The following ASB13 variants were observed in gnomAD, a reference collection of about 807,000 sequenced individuals.
ASB13 encodes ankyrin repeat and SOCS box protein 13.
A neutral mutation model predicts 28.8 loss-of-function variants in ASB13; 33 were observed. That is an observed-to-expected ratio of 1.15 (90% CI 0.87 to 1.53). The LOEUF is 1.53. Among genes scored for constraint, ASB13 ranks in the 40% most tolerant of loss-of-function variants. The pLI is 0.00. For missense variants in ASB13, 414 were observed against 390.1 expected, an observed-to-expected ratio of 1.06 and a Z score of -0.52; for synonymous variants, 182 against 172.9, an observed-to-expected ratio of 1.05 and a Z score of -0.41.
In ASB13 at chr10:5,651,348, T is replaced by C. The variant is rs1834981497; in HGVS notation, c.247A>G (p.Ile83Val). The C allele has an allele frequency of 6.2e-7, 1 of 1,609,282 alleles. No homozygotes were observed. The highest frequency in any genetic ancestry group is 8.5e-7 in the Non-Finnish European group (1 of 1,177,106). Reference protein sequence around the residue: ...AAGAQVDARNIDGSTPLCDAC... With the variant: ...AAGAQVDARNVDGSTPLCDAC... Reference sequence around the variant, plus strand: ...TCGCAGAGCGGGGTGCTGCCGTCGATGTTGCGAGCATCCACCTCACGGGAG... The same window carrying C: ...TCGCAGAGCGGGGTGCTGCCGTCGACGTTGCGAGCATCCACCTCACGGGAG... Residue 83 changes from isoleucine to valine, a missense_variant, in exon 3 of 6, where the codon ATC becomes GTC. Coordinates refer to ENST00000357700, the MANE Select transcript of ASB13 (RefSeq NM_024701.4). This position sits in a 1 kb window ranked among gnomAD's most constrained non-coding sequence, Gnocchi z 5.1.
In ASB13 at chr10:5,649,588, C is replaced by T. The variant is rs1270536611; in HGVS notation, c.383-484G>A. Among the ~76,000 whole-genome samples, 1 of 151,112 alleles carries T rather than the reference C, an allele frequency of 6.6e-6. No homozygotes were observed. Among genetic ancestry groups the T allele is most frequent in the Non-Finnish European group, 1.5e-5 (1 of 67,822 alleles). On this transcript the variant is annotated intron_variant, in intron 3 of 5. Transcript: ENST00000357700. This position sits in a 1 kb window ranked among gnomAD's most constrained non-coding sequence, Gnocchi z 6.4. ...TTGCCCAGGATGGAATGCAGTGGTG[C>T]GATCTCAGCTCACTACAACCGCCAT... is the stretch of plus-strand genomic sequence containing the variant.
rs546383237 is a variant in ASB13 at position 5,642,736 on chromosome 10, T to C, written c.518-775A>G. 6.6e-6 allele frequency among the ~76,000 whole-genome samples: 1 copy of C among 151,384 alleles called. No individual in the cohort carries two copies. Among genetic ancestry groups the C allele is most frequent in the South Asian group, 2.1e-4 (1 of 4,782 alleles). On this transcript the variant is annotated intron_variant, in intron 4 of 5. Transcript: ENST00000357700. This position sits in a 1 kb window ranked among gnomAD's most constrained non-coding sequence, Gnocchi z 4.1. Reference sequence around the variant, plus strand: ...ATCTCGGCTCACTGCAACCTCCGCCTCCAGGGTTCAAGCGATTCTCCTGCC... The same window carrying C: ...ATCTCGGCTCACTGCAACCTCCGCCCCCAGGGTTCAAGCGATTCTCCTGCC...
At position 5,659,232 on chromosome 10, in the gene ASB13, C is replaced by G. The variant is rs991122723; in HGVS notation, c.44-6182G>C. Among the ~76,000 whole-genome samples, 1 of 152,164 alleles carries G rather than the reference C, an allele frequency of 6.6e-6. No homozygotes were observed. The highest frequency in any genetic ancestry group is 1.5e-5 in the Non-Finnish European group (1 of 68,020). On this transcript the variant is annotated intron_variant, in intron 1 of 5. Coordinates refer to ENST00000357700, the MANE Select transcript of ASB13 (RefSeq NM_024701.4). This position sits in a 1 kb window ranked among gnomAD's most constrained non-coding sequence, Gnocchi z 5.8. ...TTGGCGGAGCACCGCCTTGGAAACC[C>G]GAGACTCCATGCCGTGCTGGCGAGT...
rs1054766493 is a variant in ASB13, at chr10:5,639,794, T to C, written c.*909A>G. ...GGGTGAAGAATTCATTTGACAACCA[T>C]AGAAACAGATGAAAAACAATTCCCA... On this transcript the variant is annotated 3_prime_UTR_variant, in exon 6 of 6. Coordinates refer to ENST00000357700, the MANE Select transcript of ASB13 (RefSeq NM_024701.4). 2 of 3,288 alleles carry C rather than the reference T, an allele frequency of 6.1e-4. No homozygotes were observed. The highest frequency in any genetic ancestry group is 1.3e-3 in the African/African-American group (2 of 1,524). 0.2% of individuals were successfully genotyped at this position (3,288 alleles called of 1,614,324 possible).
At chr10:5,646,360 G>A (rs1588509017) in intron 4 of ASB13, among the ~76,000 whole-genome samples, 1 of 152,186 alleles carries the variant, frequency 6.6e-6, no homozygotes, top group East Asian at 1.9e-4. Flanking sequence ...ATCAGAATTT[G>A]GCAAAGTTTG....
Position 5,651,521 on chromosome 10 carries a change from T to A in ASB13, c.232-158A>T. ...CAACGACACTGAAAGAGATAGCACG[T>A]GGCTGCGGAGCACCGACGGCCTCCT... On this transcript the variant is annotated intron_variant, in intron 2 of 5. Coordinates refer to ENST00000357700, the MANE Select transcript of ASB13 (RefSeq NM_024701.4). This position sits in a 1 kb window ranked among gnomAD's most constrained non-coding sequence, Gnocchi z 5.1. 1.3e-6 allele frequency: 1 copy of A among 787,102 alleles called. No homozygotes were observed. The highest frequency in any genetic ancestry group is 2.0e-6 in the Non-Finnish European group (1 of 512,204). 48.8% of individuals were successfully genotyped at this position (787,102 alleles called of 1,614,324 possible).
At chr10:5,662,335 A>G (rs1835180877) in intron 1 of ASB13, among the ~76,000 whole-genome samples, 1 of 151,822 alleles carries the variant, frequency 6.6e-6, no homozygotes, top group Non-Finnish European at 1.5e-5. Flanking sequence ...CCTGGCCAAC[A>G]TGGCAAAACC....
chr10:5,658,601 G>C lies in ASB13; in HGVS notation c.44-5551C>G, dbSNP rs1357430217. Among the ~76,000 whole-genome samples, 2 of 152,102 alleles carry C rather than the reference G, an allele frequency of 1.3e-5. No individual in the cohort carries two copies. Among genetic ancestry groups the C allele is most frequent in the African/African-American group, 4.8e-5 (2 of 41,406 alleles). ...AGTGTTTCATGGGGACAGAATTTCA[G>C]TTTTACAGGATGAAAAAGTTCTAGA... On this transcript the variant is annotated intron_variant, in intron 1 of 5. Coordinates refer to ENST00000357700, the MANE Select transcript of ASB13 (RefSeq NM_024701.4). This position sits in a 1 kb window ranked among gnomAD's most constrained non-coding sequence, Gnocchi z 4.2.
At position 5,649,242 on chromosome 10, in the gene ASB13, G is replaced by T; in HGVS notation, c.383-138C>A. On this transcript the variant is annotated intron_variant, in intron 3 of 5. Transcript: ENST00000357700. The surrounding 1 kb of genome is among the most constrained non-coding windows in gnomAD (Gnocchi z 6.4). ...CCAGGCAGGCCTGCGTCCCAACCTA[G>T]GGAGGAGTTCATGACCCGCATGGCC... The T allele has an allele frequency of 8.2e-7, 1 of 1,223,256 alleles. No homozygotes were observed. Among genetic ancestry groups the T allele is most frequent in the Non-Finnish European group, 1.1e-6 (1 of 869,818 alleles). The allele number at this position is 1,223,256 out of a possible 1,614,324, so 75.8% of individuals were successfully genotyped here.
intron 1 of ASB13, among the ~76,000 whole-genome samples, chr10:5,657,782 G>A (rs553565259): frequency 1.3e-5 from 2 of 152,194 alleles, no homozygotes; most frequent in South Asian, 2.1e-4. Flanking sequence ...ATTATTCAGC[G>A]TTGGGAATGA....
In ASB13 at chr10:5,651,411, A is replaced by C. The variant is rs1834982883; in HGVS notation, c.232-48T>G. On this transcript the variant is annotated intron_variant, in intron 2 of 5. Transcript: ENST00000357700. The surrounding 1 kb of genome is among the most constrained non-coding windows in gnomAD (Gnocchi z 5.1). The stretch of plus-strand genomic sequence containing the variant: ...GTCAAAGGGCAGAGAAATGCCACGC[A>C]ACCCACTTTCCCATCCTGCTGCAGG... 2 of 1,513,338 alleles carry C rather than the reference A, an allele frequency of 1.3e-6. No individual in the cohort carries two copies. The highest frequency in any genetic ancestry group is 2.8e-5 in the African/African-American group (2 of 72,604). 93.7% of individuals were successfully genotyped at this position (1,513,338 alleles called of 1,614,324 possible).
At chr10:5,653,674 ATT>A (rs1835026091) in intron 1 of ASB13, among the ~76,000 whole-genome samples, 2 of 119,756 alleles carry the variant, frequency 1.7e-5, no homozygotes, top group Non-Finnish European at 3.3e-5. Flanking sequence ...TTATTTATTT[ATT>A]TATTTATTTA....
Position 5,640,775 on chromosome 10 carries a change from G to A in ASB13, c.765C>T (p.Gly255=), listed in dbSNP as rs146830492. The change falls in exon 6 of 6, where the codon GGC becomes GGT. Residue 255 remains glycine (G), a synonymous_variant. Coordinates refer to ENST00000357700, the MANE Select transcript of ASB13 (RefSeq NM_024701.4). The part of the protein sequence containing the change: ...LCRVNLRKAT[G]VRGLEKIAKL... The stretch of plus-strand genomic sequence containing the variant: ...TGGCAATCTTCTCCAGCCCTCGGAC[G>A]CCAGTGGCCTTCCTCAAGTTCACCC... 307 of 1,614,148 alleles carry A rather than the reference G, an allele frequency of 1.9e-4. No homozygotes were observed. The highest frequency in any genetic ancestry group is 6.6e-4 in the Middle Eastern group (4 of 6,062).
rs4003318 is a variant in ASB13, at chr10:5,652,107, G to A, written c.232-744C>T. On this transcript the variant is annotated intron_variant, in intron 2 of 5. Coordinates refer to ENST00000357700, the MANE Select transcript of ASB13 (RefSeq NM_024701.4). This position sits in a 1 kb window ranked among gnomAD's most constrained non-coding sequence, Gnocchi z 5.0. ...AGGAATGCCTGAGACAGCTTACCAC[G>A]CCTCCCCTAGTGAGAAAGTCAGAGG... Among the ~76,000 whole-genome samples, 1,867 of 140,366 alleles carry A rather than the reference G, an allele frequency of 0.013. 20 individuals are homozygous for A. The highest frequency in any genetic ancestry group is 0.095 in the Middle Eastern group (24 of 252). 92.1% of individuals were successfully genotyped at this position (140,366 alleles called of 152,430 possible). A position where few individuals can be genotyped will look rare whatever the true frequency, so the allele number is the denominator to read the frequency against.
Position 5,642,579 on chromosome 10 carries a change from A to AC in ASB13, c.518-619_518-618insG, listed in dbSNP as rs1234786458. 8.2e-7 allele frequency: 1 copy of AC among 1,221,456 alleles called. No homozygotes were observed. The highest frequency in any genetic ancestry group is 5.8e-5 in the East Asian group (1 of 17,134). The allele number at this position is 1,221,456 out of a possible 1,614,324, so 75.7% of individuals were successfully genotyped here. On this transcript the variant is annotated intron_variant, in intron 4 of 5. Transcript: ENST00000357700. The surrounding 1 kb of genome is among the most constrained non-coding windows in gnomAD (Gnocchi z 4.1). ...CTGATTAAAAGTAAAGGTAAAAAAAAATTTTTTTTTAAAAAAAAGAGCAGA... is the reference window on the plus strand; with the variant it reads ...CTGATTAAAAGTAAAGGTAAAAAAAACATTTTTTTTTAAAAAAAAGAGCAGA...
At chr10:5,640,879 A>G in intron 5 of ASB13, 49 bp from the exon 6 acceptor site, 2 of 1,604,382 alleles carry the variant, frequency 1.2e-6, no homozygotes, top group Non-Finnish European at 8.5e-7. Context: ...AGGAAGAAGC[A>G]CAACACCTGC....
In ASB13 at chr10:5,639,427, A is replaced by G. The variant is rs7908974; in HGVS notation, c.*1276T>C. On this transcript the variant is annotated 3_prime_UTR_variant, in exon 6 of 6. Transcript: ENST00000357700. ...TCATCAAGTTGGCCAGGCTGGTTTC[A>G]AACTCCTGACCTCAGATGCCCCAGA... is the stretch of plus-strand genomic sequence containing the variant. 148,575 of 152,530 alleles carry G rather than the reference A, an allele frequency of 0.97. 72,492 individuals carry two copies. Among genetic ancestry groups the G allele is most frequent in the East Asian group, 1 (5,186 of 5,186 alleles). The allele number at this position is 152,530 out of a possible 1,614,324, so 9.4% of individuals were successfully genotyped here. A position where few individuals can be genotyped will look rare whatever the true frequency, so the allele number is the denominator to read the frequency against.
rs748010055 is a variant in ASB13, at chr10:5,641,921, A to T, written c.558T>A (p.Leu186=). Residue 186 remains leucine (L), a synonymous_variant, in exon 5 of 6, where the codon CTT becomes CTA. Coordinates refer to ENST00000357700, the MANE Select transcript of ASB13 (RefSeq NM_024701.4). This position sits in a 1 kb window ranked among gnomAD's most constrained non-coding sequence, Gnocchi z 8.4. ...VNAAKLHETA[L]HHAAKVKNVD... ...CATTCTTGACCTTGGCCGCGTGGTG[A>T]AGGGCAGTCTCATGAAGCTTTGCCG... 1 of 1,613,014 alleles carries T rather than the reference A, an allele frequency of 6.2e-7. No individual in the cohort carries two copies. Among genetic ancestry groups the T allele is most frequent in the Non-Finnish European group, 8.5e-7 (1 of 1,179,010 alleles).
chr10:5,649,207 G>A lies in ASB13; in HGVS notation c.383-103C>T. The A allele has an allele frequency of 6.6e-7, 1 of 1,519,782 alleles. No homozygotes were observed. Among genetic ancestry groups the A allele is most frequent in the Non-Finnish European group, 8.9e-7 (1 of 1,117,666 alleles). 94.1% of individuals were successfully genotyped at this position (1,519,782 alleles called of 1,614,324 possible). A position where few individuals can be genotyped will look rare whatever the true frequency, so the allele number is the denominator to read the frequency against. ...GCAGCAGCCTCCATCCTTGGTGCAG[G>A]GCAGGGAAGCCAGGCAGGCCTGCGT... On this transcript the variant is annotated intron_variant, in intron 3 of 5. Transcript: ENST00000357700. This position sits in a 1 kb window ranked among gnomAD's most constrained non-coding sequence, Gnocchi z 6.4.
Sources: allele counts gnomAD v4.1 joint callset (sites outside exome capture counted in the v4.1 genomes callset), GRCh38; gene constraint gnomAD v4.1.1; non-coding constraint Gnocchi (gnomAD v3.1); transcripts MANE v1.5; gene names NCBI Gene and HGNC (gene_info 2026-07-23, HGNC 2026-07-21).